CNTNAP2: variants seen among roughly 807,000 people sequenced by gnomAD.
CNTNAP2 encodes contactin associated protein 2.
In CNTNAP2, 98 loss-of-function variants were observed where a neutral mutation model predicts 155.2. The observed-to-expected ratio is 0.63, with a 90% CI of 0.54 to 0.75. The LOEUF (loss-of-function observed/expected upper bound fraction) is 0.75. CNTNAP2 is among the 30% of genes least tolerant of loss of function. The pLI, the probability that CNTNAP2 is intolerant of heterozygous loss-of-function variation, is 0.00. For synonymous variants in CNTNAP2, 651 were observed against 631.2 expected, an observed-to-expected ratio of 1.03 and a Z score of -0.47; for missense variants, 1,727 against 1,688.1, an observed-to-expected ratio of 1.02 and a Z score of -0.40.
intron 1 of CNTNAP2, among the ~76,000 whole-genome samples, chr7:146,665,656 C>T (rs565107337): frequency 1.8e-3 from 277 of 151,538 alleles, no homozygotes; most frequent in Non-Finnish European, 3.1e-3. Flanking sequence ...TGGCGCATGC[C>T]TGTAGTCCCA....
intron 1 of CNTNAP2, among the ~76,000 whole-genome samples, chr7:146,325,629 G>A (rs1485972304): frequency 2.6e-5 from 4 of 151,546 alleles, no homozygotes; most frequent in Admixed American, 6.6e-5. Context: ...CACACAGGGA[G>A]AGAGAGAGAG....
chr7:146,656,797 A>C (rs766750770), intron 1 of CNTNAP2, among the ~76,000 whole-genome samples: 2 of 152,242 alleles, frequency 1.3e-5, no homozygotes, highest in Non-Finnish European at 2.9e-5. Flanking sequence ...TTAATCAATT[A>C]ATATTTACTA....
At chr7:147,201,289 C>T (rs1045780580) in intron 8 of CNTNAP2, among the ~76,000 whole-genome samples, 7 of 152,040 alleles carry the variant, frequency 4.6e-5, no homozygotes, top group African/African-American at 1.7e-4. Context: ...CAGGGATCTT[C>T]GATATTTATT....
chr7:146,378,387 A>ATGATGATGG (rs1795334066), intron 1 of CNTNAP2, among the ~76,000 whole-genome samples: 1 of 152,170 alleles, frequency 6.6e-6, no homozygotes, highest in Non-Finnish European at 1.5e-5. Context: ...GACGATGATG[A>ATGATGATGG]TGATGATGGT....
intron 1 of CNTNAP2, among the ~76,000 whole-genome samples, chr7:146,727,565 G>A (rs898629524): frequency 6.6e-6 from 1 of 152,046 alleles, no homozygotes; most frequent in Non-Finnish European, 1.5e-5. Context: ...AAATAATTTG[G>A]ATAGCCTCGT....
intron 1 of CNTNAP2, among the ~76,000 whole-genome samples, chr7:146,392,693 C>T (rs1351679300): frequency 6.6e-6 from 1 of 152,094 alleles, no homozygotes; most frequent in African/African-American, 2.4e-5. Flanking sequence ...TGCTTTTCTC[C>T]CTGATTTTGG....
chr7:147,587,758 T>A (rs1211753160), intron 12 of CNTNAP2, among the ~76,000 whole-genome samples: 1 of 152,198 alleles, frequency 6.6e-6, no homozygotes, highest in Non-Finnish European at 1.5e-5. Flanking sequence ...ACTTGGAACC[T>A]TATGAGAGAG....
chr7:147,657,862 G>A (rs1278126555), intron 13 of CNTNAP2, among the ~76,000 whole-genome samples: 2 of 152,026 alleles, frequency 1.3e-5, no homozygotes, highest in Non-Finnish European at 2.9e-5. Flanking sequence ...CCTGAGTATC[G>A]GGTTTAGAAG....
chr7:146,907,650 G>T (rs1796165844), intron 3 of CNTNAP2, among the ~76,000 whole-genome samples: 1 of 149,926 alleles, frequency 6.7e-6, no homozygotes, highest in African/African-American at 2.5e-5. Context: ...CCTGAAGGAA[G>T]CGCTAAACAT....
At position 148,365,964 on chromosome 7, in the gene CNTNAP2, A is replaced by G. The variant is rs1235454389; in HGVS notation, c.3476-17685A>G. The stretch of plus-strand genomic sequence containing the variant: ...TGTATACATGCGTGTATGCATGTAT[A>G]CATGTGTGTATGCATGTATACATGT... On this transcript the variant is annotated intron_variant, in intron 21 of 23. Transcript: ENST00000361727. Among the ~76,000 whole-genome samples the G allele has an allele frequency of 3.0e-3, 10 of 3,296 alleles. 4 individuals carry two copies. The highest frequency in any genetic ancestry group is 0.012 in the Admixed American group (2 of 168). The allele number at this position is 3,296 out of a possible 152,430, so 2.2% of individuals were successfully genotyped here.
intron 3 of CNTNAP2, among the ~76,000 whole-genome samples, chr7:147,002,246 G>A (rs1798439159): frequency 6.6e-6 from 1 of 151,944 alleles, no homozygotes; most frequent in Non-Finnish European, 1.5e-5. Context: ...CACTCACATA[G>A]AGACATGTAA....
chr7:148,256,547 C>G (rs1460922534), intron 20 of CNTNAP2, among the ~76,000 whole-genome samples: 2 of 152,104 alleles, frequency 1.3e-5, no homozygotes, highest in Admixed American at 6.5e-5. Flanking sequence ...TGCAAGGGGT[C>G]CCTGAATGAC....
intron 3 of CNTNAP2, among the ~76,000 whole-genome samples, chr7:146,921,793 G>T (rs1481727659): frequency 6.6e-6 from 1 of 152,064 alleles, no homozygotes; most frequent in African/African-American, 2.4e-5. Flanking sequence ...GAAAGCAAGG[G>T]TGGGAAATAA....
intron 14 of CNTNAP2, among the ~76,000 whole-genome samples, chr7:147,912,932 G>A (rs942522605): frequency 5.9e-5 from 9 of 152,206 alleles, no homozygotes; most frequent in African/African-American, 1.9e-4. Context: ...GGTCTGTTCT[G>A]GGACCTGGGT....
rs937458432 is a variant in CNTNAP2, at chr7:148,226,629, G to A, written c.3248-3017G>A. On this transcript the variant is annotated intron_variant, in intron 19 of 23. Coordinates refer to ENST00000361727, the MANE Select transcript of CNTNAP2 (RefSeq NM_014141.6). Reference sequence around the variant, plus strand: ...GACCTTCCTCTAGGAACACTCAACTGGAAAGGGGAAAAAAAATGCCTCAAA... The same window carrying A: ...GACCTTCCTCTAGGAACACTCAACTAGAAAGGGGAAAAAAAATGCCTCAAA... Among the ~76,000 whole-genome samples the A allele has an allele frequency of 5.3e-4, 45 of 85,648 alleles. 1 individual carries two copies. Among genetic ancestry groups the A allele is most frequent in the Non-Finnish European group, 2.4e-4 (9 of 36,980 alleles). The allele number at this position is 85,648 out of a possible 152,430, so 56.2% of individuals were successfully genotyped here.
intron 13 of CNTNAP2, among the ~76,000 whole-genome samples, chr7:147,856,983 G>T (rs992188875): frequency 1.3e-5 from 2 of 152,190 alleles, no homozygotes; most frequent in Admixed American, 6.5e-5. Context: ...ACATAAATGT[G>T]ATGAAAGGCA....
At chr7:146,748,595 A>C (rs942366441) in intron 1 of CNTNAP2, among the ~76,000 whole-genome samples, 3 of 152,180 alleles carry the variant, frequency 2.0e-5, no homozygotes, top group Non-Finnish European at 4.4e-5. Flanking sequence ...ATTTTTAAAA[A>C]TCCTATGCCA....
At chr7:146,141,662 T>G (rs1797883615) in intron 1 of CNTNAP2, among the ~76,000 whole-genome samples, 1 of 152,152 alleles carries the variant, frequency 6.6e-6, no homozygotes. Flanking sequence ...GTGGTTTTCT[T>G]TTCAAGCATT....
At chr7:146,969,268 T>G (rs1030190758) in intron 3 of CNTNAP2, among the ~76,000 whole-genome samples, 2 of 152,170 alleles carry the variant, frequency 1.3e-5, no homozygotes, top group Non-Finnish European at 2.9e-5. Context: ...GGTGTGGTGC[T>G]GAAAAAAATG....
Sources: gnomAD v4.1 joint callset for allele counts (sites outside exome capture counted in the v4.1 genomes callset) on GRCh38, gnomAD v4.1.1 for gene constraint, MANE v1.5 for transcripts, NCBI Gene and HGNC (gene_info 2026-07-23, HGNC 2026-07-21) for gene names.